Variants in MYRIP observed in about 807,000 individuals in gnomAD.
MYRIP encodes the protein myosin VIIA and Rab interacting protein.
A neutral mutation model predicts 98.0 loss-of-function variants in MYRIP; 49 were observed. The observed-to-expected ratio is 0.50, with a 90% CI of 0.40 to 0.63. The LOEUF (loss-of-function observed/expected upper bound fraction) is 0.63. Ranked by LOEUF, MYRIP falls within the 30% of genes least tolerant of loss-of-function variation. The pLI is 0.00. For synonymous variants in MYRIP, 404 were observed against 409.5 expected (o/e 0.99, Z 0.16); for missense variants, 1,004 against 1,058.2 (o/e 0.95, Z 0.71).
intron 8 of MYRIP, among the ~76,000 whole-genome samples, chr3:40,177,108 C>T (rs751348403): frequency 1.3e-5 from 2 of 151,664 alleles, no homozygotes; most frequent in Admixed American, 6.6e-5. Context: ...TACACATGGA[C>T]GCTGGCCAGA....
chr3:39,853,287 G>A (rs764635511), intron 1 of MYRIP, among the ~76,000 whole-genome samples: 10 of 152,162 alleles, frequency 6.6e-5, no homozygotes, highest in Admixed American at 2.0e-4. Flanking sequence ...TGGGATTGCC[G>A]GATCAAATGG....
At chr3:39,927,036 C>T (rs73076720) in intron 2 of MYRIP, among the ~76,000 whole-genome samples, 4,112 of 151,742 alleles carry the variant, frequency 0.027, 75 homozygotes, top group Non-Finnish European at 0.036. Context: ...CTTGAGAGAT[C>T]TTTCACCTCC....
At chr3:39,906,934 C>T (rs1381426326) in intron 2 of MYRIP, among the ~76,000 whole-genome samples, 3 of 152,192 alleles carry the variant, frequency 2.0e-5, no homozygotes, top group Admixed American at 6.5e-5. Context: ...AGCAGGCAGA[C>T]CATCCAGGTT....
intron 2 of MYRIP, among the ~76,000 whole-genome samples, chr3:39,938,536 A>T (rs1201162481): frequency 2.6e-5 from 4 of 152,172 alleles, no homozygotes; most frequent in Non-Finnish European, 4.4e-5. Flanking sequence ...TAGGGCAGAT[A>T]TTGCCAAATA....
chr3:40,031,923 TC>T lies in MYRIP; in HGVS notation c.111-12125del, dbSNP rs551030470. Among the ~76,000 whole-genome samples the T allele has an allele frequency of 5.2e-4, 79 of 152,260 alleles. 1 individual carries two copies. Among genetic ancestry groups the T allele is most frequent in the African/African-American group, 1.9e-3 (77 of 41,578 alleles). ...GCTAGCCGTCTATCAATTTTGTTGATCCTTTCAAAAAACCAGCTCCTGGATT... is the reference window on the plus strand; with the variant it reads ...GCTAGCCGTCTATCAATTTTGTTGATCTTTCAAAAAACCAGCTCCTGGATT... On this transcript the variant is annotated intron_variant, in intron 2 of 16. Coordinates refer to ENST00000302541, the MANE Select transcript of MYRIP (RefSeq NM_015460.4).
At chr3:40,078,819 A>G (rs752309414) in intron 3 of MYRIP, among the ~76,000 whole-genome samples, 3 of 152,188 alleles carry the variant, frequency 2.0e-5, no homozygotes, top group Non-Finnish European at 4.4e-5. Context: ...CTATTTTAAG[A>G]GATGCCACAG....
At chr3:39,815,389 C>T (rs1940867356) in intron 1 of MYRIP, among the ~76,000 whole-genome samples, 1 of 151,928 alleles carries the variant, frequency 6.6e-6, no homozygotes, top group African/African-American at 2.4e-5. Flanking sequence ...TGGTGTATTT[C>T]ATCATATATA....
At chr3:40,188,914 C>T (rs1056935147) in intron 9 of MYRIP, among the ~76,000 whole-genome samples, 1 of 152,198 alleles carries the variant, frequency 6.6e-6, no homozygotes, top group African/African-American at 2.4e-5. Flanking sequence ...TTTTCCTATT[C>T]ACCTTAAACA....
At chr3:40,005,304 T>C (rs1575458046) in intron 2 of MYRIP, among the ~76,000 whole-genome samples, 1 of 152,250 alleles carries the variant, frequency 6.6e-6, no homozygotes, top group East Asian at 1.9e-4. Context: ...CTCCTGTAAC[T>C]CATAGTACCT....
upstream of MYRIP, among the ~76,000 whole-genome samples, chr3:39,809,452 G>C (rs1940582037): frequency 6.8e-6 from 1 of 147,362 alleles, no homozygotes; most frequent in South Asian, 2.1e-4. Flanking sequence ...AACCGGCCCG[G>C]CGGGCACCCC....
At chr3:39,827,028 C>T (rs1385210894) in intron 1 of MYRIP, among the ~76,000 whole-genome samples, 1 of 152,148 alleles carries the variant, frequency 6.6e-6, no homozygotes, top group Non-Finnish European at 1.5e-5. Flanking sequence ...CACCCCTTTA[C>T]TTTCAGTCTA....
intron 10 of MYRIP, among the ~76,000 whole-genome samples, chr3:40,207,157 C>G (rs1446448425): frequency 1.3e-5 from 2 of 152,136 alleles, no homozygotes; most frequent in African/African-American, 4.8e-5. Flanking sequence ...CTGACCCAGG[C>G]CTGATTTTTC....
chr3:39,875,954 C>T (rs1374197331), intron 1 of MYRIP, among the ~76,000 whole-genome samples: 2 of 152,004 alleles, frequency 1.3e-5, no homozygotes, highest in Non-Finnish European at 2.9e-5. Flanking sequence ...TAATGTCTCC[C>T]ATTATTATTG....
chr3:40,187,766 A>G (rs1244426653), intron 9 of MYRIP, among the ~76,000 whole-genome samples: 2 of 152,246 alleles, frequency 1.3e-5, no homozygotes, highest in African/African-American at 4.8e-5. Context: ...CAGGTAGAAC[A>G]CATGGAAGAA....
intron 2 of MYRIP, among the ~76,000 whole-genome samples, chr3:40,038,651 A>AT (rs1947437834): frequency 6.6e-6 from 1 of 152,128 alleles, no homozygotes; most frequent in South Asian, 2.1e-4. Context: ...AAAATAGATC[A>AT]TTTTTTAGGT....
chr3:40,164,325 T>A, intron 5 of MYRIP, among the ~76,000 whole-genome samples: 1 of 152,214 alleles, frequency 6.6e-6, no homozygotes, highest in East Asian at 1.9e-4. Flanking sequence ...TATATATGTA[T>A]GTACATGCAC....
chr3:40,257,970 C>G (rs1163835541), intron 16 of MYRIP, among the ~76,000 whole-genome samples, 164 bp from the exon 17 acceptor site: 1 of 152,202 alleles, frequency 6.6e-6, no homozygotes, highest in African/African-American at 2.4e-5. Flanking sequence ...GATTAAGAAG[C>G]ATGCATTTAA....
intron 1 of MYRIP, among the ~76,000 whole-genome samples, chr3:39,862,725 T>C (rs1417013664): frequency 6.6e-6 from 1 of 152,136 alleles, no homozygotes; most frequent in Non-Finnish European, 1.5e-5. Context: ...CTGTGTTAGG[T>C]CATCAAGGCA....
intron 2 of MYRIP, among the ~76,000 whole-genome samples, chr3:39,952,257 A>G (rs1424542615): frequency 6.6e-6 from 1 of 152,144 alleles, no homozygotes; most frequent in African/African-American, 2.4e-5. Flanking sequence ...ATAGTAGTCT[A>G]TCACATGGGT....
Sources: allele counts gnomAD v4.1 joint callset (sites outside exome capture counted in the v4.1 genomes callset), GRCh38; gene constraint gnomAD v4.1.1; transcripts MANE v1.5; gene names NCBI Gene and HGNC (gene_info 2026-07-23, HGNC 2026-07-21).